ARID1B: variants seen among roughly 807,000 people sequenced by gnomAD.
ARID1B encodes the protein AT-rich interaction domain 1B.
ARID1B carries 30 observed loss-of-function variants against 212.3 expected under a neutral mutation model. The observed-to-expected ratio is 0.14, with a 90% CI of 0.11 to 0.19. The LOEUF (loss-of-function observed/expected upper bound fraction) is 0.19, where lower values mean the gene tolerates loss of function less well. ARID1B is among the 10% of genes least tolerant of loss of function. The probability of loss-of-function intolerance (pLI) is 1.00; values close to 1 mark genes in which losing one functional copy is unlikely to be tolerated. For missense variants in ARID1B, 2,891 were observed against 3,204.0 expected (o/e 0.90, Z 2.36); for synonymous variants, 1,402 against 1,301.7 (o/e 1.08, Z -1.66).
At position 156,907,862 on chromosome 6, in the gene ARID1B, C is replaced by T. The variant is rs144917402; in HGVS notation, c.2136+6337C>T. Among the ~76,000 whole-genome samples the T allele has an allele frequency of 2.1e-3, 305 of 148,172 alleles. 11 individuals carry two copies. The East Asian group carries it at 0.056, about 27-fold the overall frequency. On this transcript the variant is annotated intron_variant, in intron 3 of 19. Coordinates refer to ENST00000636930, the MANE Select transcript of ARID1B (RefSeq NM_001374828.1). ...GGCAGAGGTTGTAGTGAGTCGAGGT[C>T]GCGCCACTGCACTGCAGCCTGGGCG... is the stretch of plus-strand genomic sequence containing the variant.
intron 1 of ARID1B, among the ~76,000 whole-genome samples, chr6:156,820,742 T>C (rs1782295464): frequency 1.3e-5 from 2 of 152,240 alleles, no homozygotes; most frequent in African/African-American, 4.8e-5. Flanking sequence ...CCCCAAATTA[T>C]GTTTCTAAAC....
chr6:157,151,083 G>A (rs1160570765), intron 8 of ARID1B: 3 of 154,486 alleles, frequency 1.9e-5, no homozygotes, highest in Non-Finnish European at 4.3e-5. Flanking sequence ...ACCCGCATGC[G>A]TCCTCAGGCC....
chr6:156,918,074 A>C (rs1790500431), intron 3 of ARID1B, among the ~76,000 whole-genome samples: 1 of 152,218 alleles, frequency 6.6e-6, no homozygotes, highest in South Asian at 2.1e-4. Flanking sequence ...CATAGTAAGC[A>C]AAATCTTTCA....
intron 5 of ARID1B, among the ~76,000 whole-genome samples, chr6:157,103,417 C>T (rs1444092937): frequency 6.6e-6 from 1 of 152,202 alleles, no homozygotes; most frequent in Non-Finnish European, 1.5e-5. Context: ...AGTGTTAATA[C>T]TGTGTCCAGT....
At chr6:156,807,784 G>A (rs1356723091) in intron 1 of ARID1B, among the ~76,000 whole-genome samples, 1 of 152,232 alleles carries the variant, frequency 6.6e-6, no homozygotes, top group Non-Finnish European at 1.5e-5. Flanking sequence ...GTGAGCAAGA[G>A]AGGTTCTCAG....
intron 6 of ARID1B, among the ~76,000 whole-genome samples, chr6:157,115,986 A>G (rs766104323): frequency 7.2e-5 from 11 of 152,222 alleles, no homozygotes; most frequent in Admixed American, 3.3e-4. Flanking sequence ...AGTTCAGATA[A>G]CCTTAAAATA....
intron 4 of ARID1B, among the ~76,000 whole-genome samples, chr6:157,020,999 T>C (rs1780202130): frequency 6.6e-6 from 1 of 152,200 alleles, no homozygotes; most frequent in African/African-American, 2.4e-5. Context: ...CTTTTAGCGC[T>C]TGCCCTGAAC....
Position 157,209,805 on chromosome 6 carries a change from C to G in ARID1B, c.*1914C>G, listed in dbSNP as rs957835317. On this transcript the variant is annotated 3_prime_UTR_variant, in exon 20 of 20. Coordinates refer to ENST00000636930, the MANE Select transcript of ARID1B (RefSeq NM_001374828.1). ...TTATGGTTCTCATATTCCTTCCTAC[C>G]TGGTGCACAGTAGCTTTTTAATACT... 4.3e-6 allele frequency: 1 copy of G among 233,220 alleles called. No individual in the cohort carries two copies. Among genetic ancestry groups the G allele is most frequent in the Admixed American group, 5.6e-5 (1 of 17,800 alleles). 14.4% of individuals were successfully genotyped at this position (233,220 alleles called of 1,614,324 possible).
intron 2 of ARID1B, among the ~76,000 whole-genome samples, chr6:156,848,686 C>T (rs1452851593): frequency 3.3e-5 from 5 of 152,272 alleles, no homozygotes; most frequent in South Asian, 4.1e-4. Flanking sequence ...TAAAAATACC[C>T]GGTGTGTGGT....
At chr6:157,184,155 A>T in intron 12 of ARID1B, 76 bp from the exon 13 acceptor site, 2 of 1,348,102 alleles carry the variant, frequency 1.5e-6, no homozygotes, top group Non-Finnish European at 2.0e-6. Context: ...CCAAGACATT[A>T]AGTGCTTTTT....
chr6:156,991,611 C>A (rs558994191), intron 4 of ARID1B, among the ~76,000 whole-genome samples: 145 of 152,260 alleles, frequency 9.5e-4, no homozygotes, highest in African/African-American at 3.4e-3. Flanking sequence ...AAAGTTCATA[C>A]TTATATCTTT....
chr6:157,034,990 C>G (rs1781233623), intron 4 of ARID1B, among the ~76,000 whole-genome samples: 1 of 152,178 alleles, frequency 6.6e-6, no homozygotes, highest in African/African-American at 2.4e-5. Flanking sequence ...GAAGGGTGCC[C>G]TGGTGGGATC....
At chr6:157,093,263 A>G (rs935784927) in intron 5 of ARID1B, among the ~76,000 whole-genome samples, 3 of 152,244 alleles carry the variant, frequency 2.0e-5, no homozygotes, top group African/African-American at 4.8e-5. Flanking sequence ...GTATATCACC[A>G]TGTTTCCTAA....
chr6:157,064,070 C>G (rs1783524180), intron 4 of ARID1B, among the ~76,000 whole-genome samples: 1 of 152,230 alleles, frequency 6.6e-6, no homozygotes. Context: ...CGGAAACCTG[C>G]ATCTCCACAG....
rs2128290237 is a variant in ARID1B at position 157,167,045 on chromosome 6, G to T, written c.3095G>T (p.Gly1032Val). 5 of 1,611,152 alleles carry T rather than the reference G, an allele frequency of 3.1e-6. No individual in the cohort carries two copies. The highest frequency in any genetic ancestry group is 4.2e-6 in the Non-Finnish European group (5 of 1,179,976). Reference protein sequence around the residue: ...AAANSAQSRQGSFPGMNQSGL... With the variant: ...AAANSAQSRQVSFPGMNQSGL... ...TGTGCTTTCTCTTCCTGTAGGCAAG[G>T]CAGTTTCCCCGGCATGAACCAGAGT... The change falls in exon 9 of 20, where the codon GGC becomes GTC. Residue 1032 changes from glycine to valine, a missense_variant. Around this residue, in one of 7 missense-constraint regions of ARID1B, gnomAD observed 1,643 missense variants for 1,544.0 expected, o/e 1.06. Coordinates refer to ENST00000636930, the MANE Select transcript of ARID1B (RefSeq NM_001374828.1).
intron 4 of ARID1B, among the ~76,000 whole-genome samples, chr6:157,077,409 G>T (rs542318439): frequency 1.6e-4 from 25 of 152,042 alleles, no homozygotes; most frequent in Non-Finnish European, 3.4e-4. Context: ...GCATAAGCAC[G>T]TGAGGCCATG....
rs536391684 is a variant in ARID1B at position 157,055,625 on chromosome 6, A to G, written c.2248-29037A>G. 2.0e-5 allele frequency among the ~76,000 whole-genome samples: 3 copies of G among 152,332 alleles called. No individual in the cohort carries two copies. In the South Asian group the frequency reaches 6.2e-4, roughly 32 times the overall value. ...AGGTAAGTGAGGTTTCAAATGTATTAATTTTCTGTTGCTGAGTAACACATT... is the reference window on the plus strand; with the variant it reads ...AGGTAAGTGAGGTTTCAAATGTATTGATTTTCTGTTGCTGAGTAACACATT... On this transcript the variant is annotated intron_variant, in intron 4 of 19. Coordinates refer to ENST00000636930, the MANE Select transcript of ARID1B (RefSeq NM_001374828.1).
At chr6:156,882,592 A>G (rs549626461) in intron 2 of ARID1B, among the ~76,000 whole-genome samples, 27 of 152,296 alleles carry the variant, frequency 1.8e-4, no homozygotes, top group African/African-American at 6.5e-4. Flanking sequence ...GTCTCTTTCA[A>G]TCAGGAGACC....
intron 2 of ARID1B, among the ~76,000 whole-genome samples, chr6:156,865,305 T>C (rs1216734990): frequency 6.6e-6 from 1 of 152,196 alleles, no homozygotes; most frequent in Non-Finnish European, 1.5e-5. Flanking sequence ...AAAATGTCTT[T>C]AAAATAAAAG....
Sources: allele counts gnomAD v4.1 joint callset (sites outside exome capture counted in the v4.1 genomes callset), GRCh38; gene constraint gnomAD v4.1.1; regional missense constraint gnomAD v4.1.1; transcripts MANE v1.5; gene names NCBI Gene and HGNC (gene_info 2026-07-23, HGNC 2026-07-21).